The following ST8SIA2 variants were observed in gnomAD, a reference collection of about 807,000 sequenced individuals.
ST8SIA2 encodes the protein ST8 alpha-N-acetyl-neuraminide alpha-2,8-sialyltransferase 2, also known as alpha-2,8-sialyltransferase 8B.
A neutral mutation model predicts 37.6 loss-of-function variants in ST8SIA2; 22 were observed. That is an observed-to-expected ratio of 0.58 (90% CI 0.42 to 0.83). ST8SIA2 has a LOEUF of 0.83. Ranked by LOEUF, ST8SIA2 falls within the 40% of genes least tolerant of loss-of-function variation. The pLI, the probability that ST8SIA2 is intolerant of heterozygous loss-of-function variation, is 0.00. For missense variants in ST8SIA2, 382 were observed against 484.7 expected (o/e 0.79, Z 1.99); for synonymous variants, 205 against 201.2 (o/e 1.02, Z -0.16).
At chr15:92,411,998 G>T (rs2049552684) in intron 1 of ST8SIA2, among the ~76,000 whole-genome samples, 5 of 152,196 alleles carry the variant, frequency 3.3e-5, no homozygotes, top group Admixed American at 2.6e-4. Flanking sequence ...AAGACAGGCA[G>T]GTGCTCCCGG....
intron 3 of ST8SIA2, among the ~76,000 whole-genome samples, chr15:92,435,824 A>C (rs1222004547): frequency 6.6e-6 from 1 of 152,096 alleles, no homozygotes; most frequent in Admixed American, 6.5e-5. Flanking sequence ...CCGTGGAGTC[A>C]GCAACCCCAA....
chr15:92,424,757 G>A (rs1229151638), intron 1 of ST8SIA2, among the ~76,000 whole-genome samples: 9 of 151,976 alleles, frequency 5.9e-5, no homozygotes, highest in African/African-American at 9.7e-5. Flanking sequence ...GACTACAGGC[G>A]CACGCCATCA....
chr15:92,431,837 G>A (rs999031686), intron 2 of ST8SIA2, among the ~76,000 whole-genome samples: 7 of 152,202 alleles, frequency 4.6e-5, no homozygotes, highest in African/African-American at 1.7e-4. Flanking sequence ...AACTGAGCCA[G>A]GGTTAAAATC....
chr15:92,460,583 G>C (rs2049950486), intron 5 of ST8SIA2, among the ~76,000 whole-genome samples: 1 of 152,208 alleles, frequency 6.6e-6, no homozygotes. Flanking sequence ...GTTGAGCGTA[G>C]ATGCTGCCGA....
At chr15:92,420,578 CA>C (rs2049625885) in intron 1 of ST8SIA2, among the ~76,000 whole-genome samples, 1 of 152,054 alleles carries the variant, frequency 6.6e-6, no homozygotes, top group Non-Finnish European at 1.5e-5. Flanking sequence ...GATTAACAAG[CA>C]AAAGTTTGCT....
intron 5 of ST8SIA2, among the ~76,000 whole-genome samples, chr15:92,462,220 A>G (rs992891544): frequency 1.1e-4 from 16 of 152,188 alleles, no homozygotes; most frequent in African/African-American, 3.9e-4. Flanking sequence ...CCCCAGCCCC[A>G]TAGTCGGGAT....
Position 92,464,445 on chromosome 15 carries a change from T to C in ST8SIA2, c.*60T>C. 3 of 1,595,468 alleles carry C rather than the reference T, an allele frequency of 1.9e-6. No individual in the cohort carries two copies. The South Asian group carries it at 3.3e-5, about 18-fold the overall frequency. ...TCCTGCCAGCTACACCACAGGCAGA[T>C]GGGAGTCGGGGTGGCACAAACAATA... On this transcript the variant is annotated 3_prime_UTR_variant, in exon 6 of 6. Coordinates refer to ENST00000268164, the MANE Select transcript of ST8SIA2 (RefSeq NM_006011.4).
intron 2 of ST8SIA2, among the ~76,000 whole-genome samples, chr15:92,431,570 G>A (rs780344500): frequency 5.9e-5 from 9 of 152,196 alleles, no homozygotes; most frequent in Non-Finnish European, 1.0e-4. Context: ...GAGTCGGGAG[G>A]TGAAGCAACT....
Position 92,464,499 on chromosome 15 carries a change from T to C in ST8SIA2, c.*114T>C. The C allele has an allele frequency of 8.3e-7, 1 of 1,205,114 alleles. No individual in the cohort carries two copies. The highest frequency in any genetic ancestry group is 2.3e-5 in the East Asian group (1 of 42,656). 74.7% of individuals were successfully genotyped at this position (1,205,114 alleles called of 1,614,324 possible). A position where few individuals can be genotyped will look rare whatever the true frequency, so the allele number is the denominator to read the frequency against. ...CAAGCAGGCTAGTGGTTTTCTTTGT[T>C]AAAGTGTAAAACAGTGACCAGAATA... On this transcript the variant is annotated 3_prime_UTR_variant, in exon 6 of 6. Transcript: ENST00000268164.
Position 92,464,862 on chromosome 15 carries a change from A to G in ST8SIA2, c.*477A>G, listed in dbSNP as rs184162759. ...CTCGACCCAGTCTAAAGTGGGTGCC[A>G]TTCACGGAGGAGAGGGAGGTTGGAG... On this transcript the variant is annotated 3_prime_UTR_variant, in exon 6 of 6. Transcript: ENST00000268164. 10 of 178,526 alleles carry G rather than the reference A, an allele frequency of 5.6e-5. No individual in the cohort carries two copies. Among genetic ancestry groups the G allele is most frequent in the Admixed American group, 3.3e-4 (6 of 18,218 alleles). The allele number at this position is 178,526 out of a possible 1,614,324, so 11.1% of individuals were successfully genotyped here.
intron 1 of ST8SIA2, among the ~76,000 whole-genome samples, chr15:92,411,836 T>A (rs1419684723): frequency 2.0e-5 from 3 of 152,080 alleles, no homozygotes; most frequent in Non-Finnish European, 2.9e-5. Flanking sequence ...AAGCTCTTAG[T>A]GTAGATAAAA....
intron 1 of ST8SIA2, among the ~76,000 whole-genome samples, chr15:92,397,931 G>A (rs1485659845): frequency 1.3e-5 from 2 of 152,134 alleles, no homozygotes; most frequent in Admixed American, 6.5e-5. Flanking sequence ...TCAGGAGTTC[G>A]AGACCAGACT....
chr15:92,458,018 TA>T lies in ST8SIA2; in HGVS notation c.843-6081del, dbSNP rs1380776823. Among the ~76,000 whole-genome samples the T allele has an allele frequency of 2.0e-5, 3 of 152,336 alleles. No individual in the cohort carries two copies. In the East Asian group the frequency reaches 5.8e-4, roughly 29 times the overall value. ...GCTGGCTTCCTCCTTTCTTCTTACC[TA>T]CATCTTCCCATTTTTCAATTCCATT... On this transcript the variant is annotated intron_variant, in intron 5 of 5. Transcript: ENST00000268164.
intron 4 of ST8SIA2, among the ~76,000 whole-genome samples, chr15:92,440,102 G>C (rs1435411760): frequency 1.3e-5 from 2 of 152,170 alleles, no homozygotes. Flanking sequence ...GTTTCCTTTT[G>C]GGACCCTTTC....
At chr15:92,448,943 G>GC (rs2049862361) in intron 5 of ST8SIA2, among the ~76,000 whole-genome samples, 1 of 152,052 alleles carries the variant, frequency 6.6e-6, no homozygotes, top group African/African-American at 2.4e-5. Context: ...GTATGTGGGG[G>GC]GGGGTGTGAA....
rs1274210660 is a variant in ST8SIA2 at position 92,468,196 on chromosome 15, C to G, written c.*3811C>G. 2 of 152,694 alleles carry G rather than the reference C, an allele frequency of 1.3e-5. No individual in the cohort carries two copies. The highest frequency in any genetic ancestry group is 2.9e-5 in the Non-Finnish European group (2 of 68,074). 9.5% of individuals were successfully genotyped at this position (152,694 alleles called of 1,614,324 possible). On this transcript the variant is annotated 3_prime_UTR_variant, in exon 6 of 6. Transcript: ENST00000268164. Reference sequence around the variant, plus strand: ...CGTGGTCCCGTCCATCCTGAACATGCACAGTGATTTTCCTCTCCCGTTGCA... The same window carrying G: ...CGTGGTCCCGTCCATCCTGAACATGGACAGTGATTTTCCTCTCCCGTTGCA...
At chr15:92,431,296 C>A (rs909809950) in intron 2 of ST8SIA2, among the ~76,000 whole-genome samples, 1 of 152,170 alleles carries the variant, frequency 6.6e-6, no homozygotes, top group Non-Finnish European at 1.5e-5. Context: ...GTCCTGGGAG[C>A]CAGGCAGCCC....
intron 1 of ST8SIA2, among the ~76,000 whole-genome samples, chr15:92,415,530 A>T (rs1366108604): frequency 6.6e-6 from 1 of 151,952 alleles, no homozygotes; most frequent in Non-Finnish European, 1.5e-5. Flanking sequence ...AGTAGGGAGT[A>T]GTGTGGGCTG....
rs1869774 is a variant in ST8SIA2, at chr15:92,466,947, T to G, written c.*2562T>G. Reference sequence around the variant, plus strand: ...TGGGTGGCCCCAGGGAGTCACACAGTCTGTACCCGGCCCCGAGATCCTCTG... The same window carrying G: ...TGGGTGGCCCCAGGGAGTCACACAGGCTGTACCCGGCCCCGAGATCCTCTG... On this transcript the variant is annotated 3_prime_UTR_variant, in exon 6 of 6. Transcript: ENST00000268164. The G allele has an allele frequency of 1.8e-4, 27 of 151,958 alleles. No individual in the cohort carries two copies. Among genetic ancestry groups the G allele is most frequent in the African/African-American group, 6.3e-4 (26 of 41,324 alleles). The allele number at this position is 151,958 out of a possible 1,614,324, so 9.4% of individuals were successfully genotyped here.
Sources: gnomAD v4.1 joint callset for allele counts (sites outside exome capture counted in the v4.1 genomes callset) on GRCh38, gnomAD v4.1.1 for gene constraint, MANE v1.5 for transcripts, NCBI Gene and HGNC (gene_info 2026-07-23, HGNC 2026-07-21) for gene names.